The following ROBO2 variants were observed in gnomAD, a reference collection of about 807,000 sequenced individuals.
ROBO2 encodes the protein roundabout homolog 2.
Under a neutral mutation model 160.8 loss-of-function variants are expected in ROBO2, and 53 were observed. That is an observed-to-expected ratio of 0.33 (90% CI 0.26 to 0.41). ROBO2 has a LOEUF of 0.41. ROBO2 is among the 10% of genes least tolerant of loss of function. The pLI is 1.00. For missense variants in ROBO2, 1,577 were observed against 1,722.4 expected, an observed-to-expected ratio of 0.92 and a Z score of 1.49; for synonymous variants, 664 against 611.7, an observed-to-expected ratio of 1.09 and a Z score of -1.26.
intron 2 of ROBO2, among the ~76,000 whole-genome samples, chr3:76,600,798 C>T (rs2087084099): frequency 6.6e-6 from 1 of 152,100 alleles, no homozygotes; most frequent in Non-Finnish European, 1.5e-5. Flanking sequence ...ATTTCAAAAC[C>T]CATCATGCCT....
At chr3:76,821,081 T>C (rs944519662) in intron 2 of ROBO2, among the ~76,000 whole-genome samples, 1 of 152,004 alleles carries the variant, frequency 6.6e-6, no homozygotes, top group African/African-American at 2.4e-5. Context: ...ACATGTTCTA[T>C]CATAATTTTT....
In ROBO2 at chr3:76,974,256, C is replaced by G. The variant is rs573769720; in HGVS notation, c.110-123758C>G. 1.1e-4 allele frequency among the ~76,000 whole-genome samples: 16 copies of G among 152,258 alleles called. No individual in the cohort carries two copies. In the South Asian group the frequency reaches 3.3e-3, roughly 32 times the overall value. On this transcript the variant is annotated intron_variant, in intron 2 of 26. Transcript: ENST00000487694. Reference sequence around the variant, plus strand: ...ACAGCCTTGATACATATTACATTTGCATGCAAATATTCTGAAGCTATTTTG... The same window carrying G: ...ACAGCCTTGATACATATTACATTTGGATGCAAATATTCTGAAGCTATTTTG...
intron 2 of ROBO2, among the ~76,000 whole-genome samples, chr3:76,870,274 C>T (rs1043490318): frequency 1.3e-5 from 2 of 152,172 alleles, no homozygotes; most frequent in Non-Finnish European, 2.9e-5. Flanking sequence ...GATTTTGAAA[C>T]TTGCAGTTAT....
chr3:77,429,284 T>C (rs1376128063), intron 2 of ROBO2, among the ~76,000 whole-genome samples: 1 of 152,164 alleles, frequency 6.6e-6, no homozygotes, highest in African/African-American at 2.4e-5. Flanking sequence ...TACATTTTAT[T>C]ACCATCCCAT....
At chr3:76,618,573 C>A (rs2109202004) in intron 2 of ROBO2, among the ~76,000 whole-genome samples, 1 of 151,630 alleles carries the variant, frequency 6.6e-6, no homozygotes, top group South Asian at 2.1e-4. Flanking sequence ...TTGTCTGTGA[C>A]TCTTCAAACT....
chr3:76,676,695 G>A (rs1253228148), intron 2 of ROBO2, among the ~76,000 whole-genome samples: 3 of 152,080 alleles, frequency 2.0e-5, no homozygotes, highest in Non-Finnish European at 4.4e-5. Flanking sequence ...TGTTCTGCTA[G>A]GCATGTATAT....
At chr3:76,428,938 C>T (rs1428738713) in intron 2 of ROBO2, among the ~76,000 whole-genome samples, 2 of 152,118 alleles carry the variant, frequency 1.3e-5, no homozygotes, top group South Asian at 2.1e-4. Context: ...CCTACAGTAG[C>T]GTCTCTAGGC....
At chr3:76,560,678 C>T (rs1244132593) in intron 2 of ROBO2, among the ~76,000 whole-genome samples, 1 of 149,862 alleles carries the variant, frequency 6.7e-6, no homozygotes. Context: ...AGTCTATAGT[C>T]AGGAGGAACC....
chr3:76,404,733 A>G (rs970884436), intron 2 of ROBO2, among the ~76,000 whole-genome samples: 1 of 151,622 alleles, frequency 6.6e-6, no homozygotes, highest in Non-Finnish European at 1.5e-5. Flanking sequence ...ATCAAAAAAC[A>G]TAATGGTAGA....
At chr3:76,828,414 A>G (rs1456988908) in intron 2 of ROBO2, among the ~76,000 whole-genome samples, 1 of 152,136 alleles carries the variant, frequency 6.6e-6, no homozygotes, top group African/African-American at 2.4e-5. Context: ...TTAAACAAAC[A>G]TATGTATTAT....
At chr3:77,562,475 A>G (rs142615876) in intron 9 of ROBO2, among the ~76,000 whole-genome samples, 176 bp from the exon 11 acceptor site, 172 of 152,286 alleles carry the variant, frequency 1.1e-3, no homozygotes, top group African/African-American at 4.0e-3. Flanking sequence ...TATGAATAAT[A>G]TTATATGAGT....
intron 2 of ROBO2, among the ~76,000 whole-genome samples, chr3:76,338,107 C>T (rs1280930176): frequency 6.6e-6 from 1 of 152,110 alleles, no homozygotes; most frequent in East Asian, 1.9e-4. Flanking sequence ...GCTTCTAGTA[C>T]ATGTATTTGA....
chr3:76,316,282 C>A (rs2072019030), intron 2 of ROBO2, among the ~76,000 whole-genome samples: 1 of 152,132 alleles, frequency 6.6e-6, no homozygotes, highest in African/African-American at 2.4e-5. Flanking sequence ...CTTATCTCAA[C>A]CGCATAAGAC....
At position 75,969,294 on chromosome 3, in the gene ROBO2, G is replaced by A. The variant is rs528958394; in HGVS notation, c.109+31692G>A. Among the ~76,000 whole-genome samples the A allele has an allele frequency of 1.6e-3, 245 of 150,832 alleles. 3 individuals are homozygous for A. The highest frequency in any genetic ancestry group is 5.5e-3 in the African/African-American group (227 of 41,248). On this transcript the variant is annotated intron_variant, in intron 2 of 26. Coordinates refer to the ROBO2 transcript ENST00000487694. ...ACATGGGAATACAGATATATCTTTC[G>A]TATACTGATTTCAGTTCCTTTGGGT...
intron 2 of ROBO2, among the ~76,000 whole-genome samples, chr3:76,246,597 C>A (rs1705637721): frequency 2.0e-5 from 3 of 152,042 alleles, no homozygotes; most frequent in Non-Finnish European, 4.4e-5. Flanking sequence ...AGGGAATAGG[C>A]CACCTTAGTA....
intron 2 of ROBO2, among the ~76,000 whole-genome samples, chr3:77,202,057 T>C (rs1358408119): frequency 6.6e-6 from 1 of 152,152 alleles, no homozygotes; most frequent in African/African-American, 2.4e-5. Flanking sequence ...TTTCTCAATC[T>C]ACATTTTTAA....
chr3:77,241,999 A>G (rs2089114843), intron 2 of ROBO2, among the ~76,000 whole-genome samples: 1 of 152,198 alleles, frequency 6.6e-6, no homozygotes. Context: ...AACTTTGTAG[A>G]CATTTTGCTA....
chr3:76,278,852 A>G (rs1379267767), intron 2 of ROBO2, among the ~76,000 whole-genome samples: 1 of 151,868 alleles, frequency 6.6e-6, no homozygotes, highest in Non-Finnish European at 1.5e-5. Flanking sequence ...GTCCTCCTCT[A>G]TAGGTTCACT....
intron 2 of ROBO2, among the ~76,000 whole-genome samples, chr3:75,950,304 A>C (rs557136688): frequency 1.3e-3 from 191 of 152,230 alleles, no homozygotes; most frequent in African/African-American, 4.5e-3. Flanking sequence ...ACATTCCCAA[A>C]TCTCAACAAA....
Sources: gnomAD v4.1 joint callset for allele counts (sites outside exome capture counted in the v4.1 genomes callset) on GRCh38, gnomAD v4.1.1 for gene constraint, MANE v1.5 for transcripts, NCBI Gene and HGNC (gene_info 2026-07-23, HGNC 2026-07-21) for gene names.